GALNT18: variants seen among roughly 807,000 people sequenced by gnomAD.
GALNT18 encodes the protein GalNAc-transferase 18.
In GALNT18, 44 loss-of-function variants were observed where a neutral mutation model predicts 69.5. The ratio of observed to expected loss-of-function variants is 0.63; its 90% CI spans 0.50 to 0.81. The LOEUF is 0.81. Among genes scored for constraint, GALNT18 ranks in the 40% least tolerant of loss-of-function variants. GALNT18 has a pLI of 0.00. For synonymous variants in GALNT18, 364 were observed against 318.2 expected, an observed-to-expected ratio of 1.14 and a Z score of -1.53; for missense variants, 715 against 810.0, an observed-to-expected ratio of 0.88 and a Z score of 1.42.
chr11:11,293,256 G>T (rs1849336415), intron 9 of GALNT18, 63 bp from the exon 10 acceptor site: 5 of 1,275,376 alleles, frequency 3.9e-6, no homozygotes, highest in Non-Finnish European at 5.0e-6. Context: ...CAGGAGCATA[G>T]GTGGTGATTC....
intron 1 of GALNT18, among the ~76,000 whole-genome samples, chr11:11,532,326 C>T (rs138047820): frequency 1.8e-4 from 28 of 152,248 alleles, no homozygotes; most frequent in African/African-American, 6.3e-4. Flanking sequence ...AGTAGACCAT[C>T]GTTCATCTCT....
chr11:11,566,771 A>G (rs1188677188), intron 1 of GALNT18, among the ~76,000 whole-genome samples: 3 of 152,226 alleles, frequency 2.0e-5, no homozygotes, highest in African/African-American at 7.2e-5. Context: ...ATTTGAGAAA[A>G]TTCAGAGGAA....
chr11:11,398,641 C>T lies in GALNT18; in HGVS notation c.596-19377G>A, dbSNP rs549309472. Among the ~76,000 whole-genome samples, 42 of 152,316 alleles carry T rather than the reference C, an allele frequency of 2.8e-4. 1 individual carries two copies. Among genetic ancestry groups the T allele is most frequent in the African/African-American group, 9.4e-4 (39 of 41,564 alleles). ...ACTGATCCCAAGAAGCTCCAGTTTC[C>T]CAGCCCAGGTGACCACATCACAGGA... On this transcript the variant is annotated intron_variant, in intron 3 of 10. Coordinates refer to ENST00000227756, the MANE Select transcript of GALNT18 (RefSeq NM_198516.3).
intron 1 of GALNT18, among the ~76,000 whole-genome samples, chr11:11,522,730 T>C (rs965584620): frequency 2.0e-4 from 30 of 152,176 alleles, no homozygotes; most frequent in Non-Finnish European, 4.1e-4. Context: ...GAACTCAAGA[T>C]GTCTAACAGT....
At chr11:11,398,646 C>G (rs1462404684) in intron 3 of GALNT18, among the ~76,000 whole-genome samples, 1 of 152,148 alleles carries the variant, frequency 6.6e-6, no homozygotes, top group African/African-American at 2.4e-5. Flanking sequence ...GTTTCCCAGC[C>G]CAGGTGACCA....
chr11:11,273,617 T>C (rs1848872723), intron 10 of GALNT18, among the ~76,000 whole-genome samples: 1 of 152,184 alleles, frequency 6.6e-6, no homozygotes, highest in Non-Finnish European at 1.5e-5. Flanking sequence ...TTACAGCTAC[T>C]ATGGAGAACA....
chr11:11,373,176 T>A (rs1589947979), intron 5 of GALNT18, among the ~76,000 whole-genome samples: 1 of 82,772 alleles, frequency 1.2e-5, no homozygotes, highest in Non-Finnish European at 3.3e-5. Flanking sequence ...CAGATCTGTG[T>A]TTTTTTCAAA....
intron 10 of GALNT18, among the ~76,000 whole-genome samples, chr11:11,274,264 CA>C (rs1293327962): frequency 6.6e-6 from 1 of 152,212 alleles, no homozygotes; most frequent in Non-Finnish European, 1.5e-5. Context: ...TTTGGGCAGA[CA>C]CTGAGCTAGC....
chr11:11,368,982 G>C (rs1850835817), intron 6 of GALNT18, among the ~76,000 whole-genome samples: 2 of 152,234 alleles, frequency 1.3e-5, no homozygotes, highest in Admixed American at 6.5e-5. Flanking sequence ...TCTCCAGAGA[G>C]GATTTCTACT....
chr11:11,483,732 C>T (rs1451500505), intron 1 of GALNT18, among the ~76,000 whole-genome samples: 3 of 152,174 alleles, frequency 2.0e-5, no homozygotes, highest in Non-Finnish European at 4.4e-5. Flanking sequence ...CTAAAGGCAG[C>T]CCTTGGTGAC....
chr11:11,581,652 G>A (rs770676899), intron 1 of GALNT18, among the ~76,000 whole-genome samples: 1 of 152,052 alleles, frequency 6.6e-6, no homozygotes, highest in Non-Finnish European at 1.5e-5. Context: ...GGGCTGCCGA[G>A]TGGGCACTTT....
At chr11:11,607,307 A>G (rs1482368352) in intron 1 of GALNT18, among the ~76,000 whole-genome samples, 1 of 152,252 alleles carries the variant, frequency 6.6e-6, no homozygotes, top group Non-Finnish European at 1.5e-5. Flanking sequence ...AAAGACGAGT[A>G]TCTTAACAAG....
chr11:11,422,816 T>C (rs1348998916), intron 3 of GALNT18, among the ~76,000 whole-genome samples: 1 of 152,108 alleles, frequency 6.6e-6, no homozygotes, highest in Admixed American at 6.5e-5. Context: ...TGGCAAGCAA[T>C]CTGGGGAGCT....
At chr11:11,301,335 A>G (rs1849490768) in intron 9 of GALNT18, among the ~76,000 whole-genome samples, 1 of 152,178 alleles carries the variant, frequency 6.6e-6, no homozygotes, top group Admixed American at 6.5e-5. Flanking sequence ...TTTTCAAAGA[A>G]CGAGCTGCAG....
At chr11:11,559,437 G>T (rs1353674090) in intron 1 of GALNT18, among the ~76,000 whole-genome samples, 1 of 152,172 alleles carries the variant, frequency 6.6e-6, no homozygotes, top group Non-Finnish European at 1.5e-5. Flanking sequence ...GCTGAGTCTT[G>T]GTCATCTCTG....
Position 11,448,812 on chromosome 11 carries a change from G to T in GALNT18, c.360C>A (p.Tyr120Ter), listed in dbSNP as rs151161334. Residue 120 changes from tyrosine (Y) to a stop codon, truncating the protein, a stop_gained, in exon 2 of 11, where the codon TAC (tyrosine) becomes TAA (stop). Coordinates refer to ENST00000227756, the MANE Select transcript of GALNT18 (RefSeq NM_198516.3). LOFTEE classifies it high-confidence loss of function. ...GGTCGCTGAGGTAGGCGTTGTAGCCGTAGTACTGGAATTGCTTCAGGGCCA... is the reference window on the plus strand; with the variant it reads ...GGTCGCTGAGGTAGGCGTTGTAGCCTTAGTACTGGAATTGCTTCAGGGCCA... Reference protein sequence around the residue: ...RRVALKQFQYYGYNAYLSDRL... With the variant: ...RRVALKQFQY The T allele has an allele frequency of 6.2e-7, 1 of 1,613,310 alleles. No individual in the cohort carries two copies. The highest frequency in any genetic ancestry group is 8.5e-7 in the Non-Finnish European group (1 of 1,179,854).
Position 11,293,089 on chromosome 11 carries a change from C to T in GALNT18, c.1617G>A (p.Arg539=). 1 of 1,383,398 alleles carries T rather than the reference C, an allele frequency of 7.2e-7. No homozygotes were observed. Among genetic ancestry groups the T allele is most frequent in the Non-Finnish European group, 9.4e-7 (1 of 1,059,790 alleles). The allele number at this position is 1,383,398 out of a possible 1,614,324, so 85.7% of individuals were successfully genotyped here. The change falls in exon 10 of 11, where the codon CGG becomes CGA. Residue 539 remains arginine (R), a synonymous_variant. Coordinates refer to ENST00000227756, the MANE Select transcript of GALNT18 (RefSeq NM_198516.3). ...RCLVDVNSRP[R]LIECSYAKAK... is the part of the protein sequence containing the mutation. Reference sequence around the variant, plus strand: ...CTTTGGCGTAGCTGCATTCGATGAGCCGGGGCCGGCTGTTGACGTCCACCA... The same window carrying T: ...CTTTGGCGTAGCTGCATTCGATGAGTCGGGGCCGGCTGTTGACGTCCACCA...
At chr11:11,539,880 A>G (rs536518967) in intron 1 of GALNT18, among the ~76,000 whole-genome samples, 4 of 152,358 alleles carry the variant, frequency 2.6e-5, no homozygotes, top group South Asian at 4.1e-4. Context: ...CTCTCAGACA[A>G]TAAAGGAACT....
intron 1 of GALNT18, among the ~76,000 whole-genome samples, chr11:11,487,587 T>C (rs1856670892): frequency 6.6e-6 from 1 of 152,208 alleles, no homozygotes; most frequent in South Asian, 2.1e-4. Flanking sequence ...CAAAATTATT[T>C]TTCTCTCCTC....
Sources: gnomAD v4.1 joint callset for allele counts (sites outside exome capture counted in the v4.1 genomes callset) on GRCh38, gnomAD v4.1.1 for gene constraint, MANE v1.5 for transcripts, NCBI Gene and HGNC (gene_info 2026-07-23, HGNC 2026-07-21) for gene names.